VPS41: variants seen among roughly 807,000 people sequenced by gnomAD.
VPS41 encodes the protein VPS41 subunit of HOPS complex.
In VPS41, 85 loss-of-function variants were observed where a neutral mutation model predicts 130.9. The observed-to-expected ratio is 0.65, with a 90% CI of 0.55 to 0.78. The LOEUF is 0.78. Ranked by LOEUF, VPS41 falls within the 30% of genes least tolerant of loss-of-function variation. The pLI is 0.00. For missense variants in VPS41, 874 were observed against 1,018.7 expected (o/e 0.86, Z 1.93); for synonymous variants, 335 against 332.9 (o/e 1.01, Z -0.07).
intron 10 of VPS41, among the ~76,000 whole-genome samples, chr7:38,786,905 A>C (rs1219163095): frequency 6.6e-6 from 1 of 152,170 alleles, no homozygotes; most frequent in African/African-American, 2.4e-5. Context: ...AGATACTTAG[A>C]TCTAGGAAAG....
intron 4 of VPS41, among the ~76,000 whole-genome samples, chr7:38,858,104 T>C (rs1483476035): frequency 1.3e-5 from 2 of 152,184 alleles, no homozygotes. Flanking sequence ...CGGCAAACGT[T>C]TCCTATTCAG....
Position 38,758,395 on chromosome 7 carries a change from T to C in VPS41, c.1509A>G (p.Lys503=), listed in dbSNP as rs756946665. The change falls in exon 18 of 29, where the codon AAA becomes AAG. Residue 503 remains lysine, a synonymous_variant. Transcript: ENST00000310301. ...IVQAVRDHLK[K]DSQNKTLLKT... ...TAAGTAAAGTCTTGTTCTGACTATCTTTCTTCAAATGATCCCGAACTGCTT... is the reference window on the plus strand; with the variant it reads ...TAAGTAAAGTCTTGTTCTGACTATCCTTCTTCAAATGATCCCGAACTGCTT... 141 of 1,613,286 alleles carry C rather than the reference T, an allele frequency of 8.7e-5. No homozygotes were observed. The highest frequency in any genetic ancestry group is 1.2e-4 in the Non-Finnish European group (136 of 1,179,658).
intron 21 of VPS41, among the ~76,000 whole-genome samples, chr7:38,754,492 A>C (rs992691397): frequency 6.6e-6 from 1 of 152,194 alleles, no homozygotes; most frequent in African/African-American, 2.4e-5. Context: ...GTCAAAATTC[A>C]ACTGCCTGAT....
At position 38,728,758 on chromosome 7, in the gene VPS41, C is replaced by T. The variant is rs199884913; in HGVS notation, c.2293G>A (p.Val765Ile). ...TTCAGTAAGGACAAAGAGTCAGCTA[C>T]GAGAATCTTCTTGCAGCCTTCACGA... ...LLREGCKKIL[V>I]ADSLSLLKKM... is the part of the protein sequence containing the mutation. The change falls in exon 26 of 29, where the codon GTA becomes ATA. Residue 765 changes from valine to isoleucine, a missense_variant. Transcript: ENST00000310301. The T allele has an allele frequency of 4.4e-5, 71 of 1,613,986 alleles. No individual in the cohort carries two copies. The highest frequency in any genetic ancestry group is 5.7e-5 in the Non-Finnish European group (67 of 1,180,010).
chr7:38,741,956 T>C, intron 25 of VPS41, 29 bp downstream of exon 25: 2 of 1,611,112 alleles, frequency 1.2e-6, no homozygotes, highest in East Asian at 4.5e-5. Context: ...CTAATTCAGA[T>C]GCTCATTTGT....
chr7:38,742,326 G>C (rs1795898084), intron 24 of VPS41, among the ~76,000 whole-genome samples: 1 of 152,122 alleles, frequency 6.6e-6, no homozygotes, highest in South Asian at 2.1e-4. Context: ...CGCTCCTTAA[G>C]ACATGAAGGA....
intron 2 of VPS41, among the ~76,000 whole-genome samples, chr7:38,895,345 A>T (rs28366951): frequency 5.3e-5 from 8 of 151,826 alleles, no homozygotes; most frequent in African/African-American, 1.9e-4. Flanking sequence ...ATAAAAAAAT[A>T]AAAAAAACAA....
At chr7:38,812,691 T>A (rs1784967893) in intron 7 of VPS41, among the ~76,000 whole-genome samples, 1 of 152,078 alleles carries the variant, frequency 6.6e-6, no homozygotes, top group Non-Finnish European at 1.5e-5. Flanking sequence ...TTTATAACTC[T>A]ATAATTAAAA....
chr7:38,871,301 A>G (rs972363361), intron 2 of VPS41, among the ~76,000 whole-genome samples: 3 of 152,224 alleles, frequency 2.0e-5, no homozygotes, highest in Non-Finnish European at 2.9e-5. Context: ...GAGACACACT[A>G]GGCAGAGACT....
At chr7:38,841,137 C>T (rs1785599754) in intron 4 of VPS41, among the ~76,000 whole-genome samples, 1 of 152,154 alleles carries the variant, frequency 6.6e-6, no homozygotes, top group South Asian at 2.1e-4. Flanking sequence ...CAGAACCAGA[C>T]TACAAAATAA....
At chr7:38,816,915 T>C (rs1785061815) in intron 7 of VPS41, among the ~76,000 whole-genome samples, 1 of 152,088 alleles carries the variant, frequency 6.6e-6, no homozygotes, top group Non-Finnish European at 1.5e-5. Context: ...AGCTAATTTC[T>C]TCATTTTTTT....
chr7:38,867,406 G>A (rs1786251655), intron 3 of VPS41, among the ~76,000 whole-genome samples: 1 of 152,042 alleles, frequency 6.6e-6, no homozygotes, highest in Non-Finnish European at 1.5e-5. Flanking sequence ...TTTGCCAGGT[G>A]TGGTGGCAGG....
chr7:38,785,350 A>T (rs573303459), intron 10 of VPS41, among the ~76,000 whole-genome samples: 2 of 152,382 alleles, frequency 1.3e-5, no homozygotes, highest in South Asian at 4.1e-4. Flanking sequence ...AGTGAAATTG[A>T]AAAGAATGGC....
chr7:38,801,792 G>A (rs1386161271), intron 7 of VPS41, among the ~76,000 whole-genome samples: 4 of 152,278 alleles, frequency 2.6e-5, no homozygotes, highest in Admixed American at 2.0e-4. Flanking sequence ...ATACTAAGTA[G>A]GCTATCCGAG....
At chr7:38,850,081 C>T (rs1022866206) in intron 4 of VPS41, among the ~76,000 whole-genome samples, 4 of 152,230 alleles carry the variant, frequency 2.6e-5, no homozygotes, top group Admixed American at 2.0e-4. Flanking sequence ...GATAAGCCCA[C>T]AGACTAGCAG....
At chr7:38,848,445 C>T (rs777655784) in intron 4 of VPS41, among the ~76,000 whole-genome samples, 4 of 151,964 alleles carry the variant, frequency 2.6e-5, no homozygotes, top group Non-Finnish European at 2.9e-5. Context: ...GTTTGCCTAC[C>T]CCATATACAA....
At chr7:38,731,912 TC>T (rs1265924217) in intron 25 of VPS41, among the ~76,000 whole-genome samples, 1 of 152,166 alleles carries the variant, frequency 6.6e-6, no homozygotes, top group Non-Finnish European at 1.5e-5. Context: ...GCTGACACTT[TC>T]TTGCCCTCTA....
intron 4 of VPS41, among the ~76,000 whole-genome samples, chr7:38,846,232 T>A (rs574349096): frequency 1.3e-5 from 2 of 152,192 alleles, no homozygotes; most frequent in Admixed American, 1.3e-4. Context: ...CTTCAACACA[T>A]TACATTGCAA....
intron 4 of VPS41, among the ~76,000 whole-genome samples, chr7:38,840,732 G>T (rs989865888): frequency 6.6e-6 from 1 of 152,090 alleles, no homozygotes; most frequent in Non-Finnish European, 1.5e-5. Context: ...CAAAAATTAA[G>T]ACGCTGAAAA....
Sources: allele counts gnomAD v4.1 joint callset (sites outside exome capture counted in the v4.1 genomes callset), GRCh38; gene constraint gnomAD v4.1.1; transcripts MANE v1.5; gene names NCBI Gene and HGNC (gene_info 2026-07-23, HGNC 2026-07-21).